GXYLT2: variants seen among roughly 807,000 people sequenced by gnomAD.
GXYLT2 encodes the protein glycosyltransferase 8 domain containing 4.
A neutral mutation model predicts 45.8 loss-of-function variants in GXYLT2; 53 were observed. The ratio of observed to expected loss-of-function variants is 1.16; its 90% CI spans 0.93 to 1.46. GXYLT2 has a LOEUF of 1.46. Ranked by LOEUF, GXYLT2 falls within the 40% of genes most tolerant of loss-of-function variation. The pLI is 0.00. For missense variants in GXYLT2, 551 were observed against 544.4 expected, an observed-to-expected ratio of 1.01 and a Z score of -0.12; for synonymous variants, 219 against 214.2, an observed-to-expected ratio of 1.02 and a Z score of -0.19.
intron 3 of GXYLT2, among the ~76,000 whole-genome samples, chr3:72,946,954 G>C (rs1270488825): frequency 6.6e-6 from 1 of 152,048 alleles, no homozygotes; most frequent in African/African-American, 2.4e-5. Flanking sequence ...CTCCGAAGTA[G>C]CTAGGACTAC....
At chr3:72,909,319 C>T (rs1467820320) in intron 2 of GXYLT2, among the ~76,000 whole-genome samples, 1 of 151,850 alleles carries the variant, frequency 6.6e-6, no homozygotes, top group African/African-American at 2.4e-5. Context: ...ATCCACCTGC[C>T]TGTCCCTCCC....
At chr3:72,916,961 A>G (rs1360817039) in intron 2 of GXYLT2, among the ~76,000 whole-genome samples, 2 of 152,100 alleles carry the variant, frequency 1.3e-5, no homozygotes, top group African/African-American at 4.8e-5. Context: ...AATATTTTTT[A>G]TAACTTGAAA....
intron 3 of GXYLT2, among the ~76,000 whole-genome samples, chr3:72,925,160 C>CTTT (rs1364669755): frequency 7.0e-6 from 1 of 142,800 alleles, no homozygotes; most frequent in Non-Finnish European, 1.5e-5. Context: ...CTTTTTCTTT[C>CTTT]TTTTTTTTTT....
At chr3:72,910,403 G>A (rs955065700) in intron 2 of GXYLT2, among the ~76,000 whole-genome samples, 11 of 152,134 alleles carry the variant, frequency 7.2e-5, no homozygotes, top group African/African-American at 2.7e-4. Flanking sequence ...CCTCCACTAT[G>A]TACTTGCTAT....
chr3:72,893,248 T>C (rs1709217008), intron 1 of GXYLT2, among the ~76,000 whole-genome samples: 1 of 152,210 alleles, frequency 6.6e-6, no homozygotes, highest in African/African-American at 2.4e-5. Context: ...CCTCCTCTCC[T>C]ACCACTCTCC....
intron 3 of GXYLT2, among the ~76,000 whole-genome samples, chr3:72,931,510 TGAGCCACC>T (rs1710035348): frequency 1.3e-5 from 2 of 152,120 alleles, no homozygotes; most frequent in Admixed American, 1.3e-4. Context: ...ATTACAGGCG[TGAGCCACC>T]GCGCCCGGCC....
chr3:72,944,310 A>G (rs889559258), intron 3 of GXYLT2, among the ~76,000 whole-genome samples: 1 of 148,468 alleles, frequency 6.7e-6, no homozygotes, highest in Non-Finnish European at 1.5e-5. Flanking sequence ...GCTGGAGTGC[A>G]GTGACACAAT....
intron 6 of GXYLT2, among the ~76,000 whole-genome samples, chr3:72,974,639 G>T (rs1389072743): frequency 6.6e-6 from 1 of 151,984 alleles, no homozygotes; most frequent in Non-Finnish European, 1.5e-5. Context: ...AATGAGATGG[G>T]GTCTTGCCAT....
At chr3:72,906,908 C>T (rs1033438258) in intron 1 of GXYLT2, among the ~76,000 whole-genome samples, 1 of 152,202 alleles carries the variant, frequency 6.6e-6, no homozygotes. Context: ...TTGGGGACAG[C>T]GGGGAGCCCT....
At chr3:72,963,507 G>GT (rs71126809) in intron 5 of GXYLT2, among the ~76,000 whole-genome samples, 27,301 of 143,590 alleles carry the variant, frequency 0.19, 4,311 homozygotes, top group East Asian at 0.41. Flanking sequence ...GGAGTTTTTT[G>GT]TTTTTTTTTT....
intron 2 of GXYLT2, among the ~76,000 whole-genome samples, chr3:72,911,957 GTGTGTGTGTGTGTGTGTGCA>G (rs1398019844): frequency 2.2e-5 from 3 of 138,914 alleles, no homozygotes; most frequent in Non-Finnish European, 4.6e-5. Flanking sequence ...TATAAGTTGG[GTGTGTGTGTGTGTGTGTGCA>G]TGTGTGTGTG....
intron 3 of GXYLT2, among the ~76,000 whole-genome samples, chr3:72,947,120 C>T (rs1436174584): frequency 3.9e-5 from 6 of 152,092 alleles, no homozygotes; most frequent in African/African-American, 9.7e-5. Context: ...CCAAAGTGCC[C>T]GATGAGCTAC....
chr3:72,913,036 T>TG, intron 2 of GXYLT2, among the ~76,000 whole-genome samples: 1 of 132,528 alleles, frequency 7.5e-6, no homozygotes, highest in African/African-American at 3.4e-5. Context: ...TTTTTTTTTG[T>TG]TTTTTTTTTT....
At chr3:72,941,473 C>T (rs1710297348) in intron 3 of GXYLT2, among the ~76,000 whole-genome samples, 1 of 152,180 alleles carries the variant, frequency 6.6e-6, no homozygotes, top group Non-Finnish European at 1.5e-5. Flanking sequence ...CACTCTTTCC[C>T]AGATGCTGTG....
intron 3 of GXYLT2, among the ~76,000 whole-genome samples, chr3:72,930,592 C>CTTT (rs71126806): frequency 0.013 from 1,287 of 101,590 alleles, 57 homozygotes; most frequent in African/African-American, 0.016. Flanking sequence ...TCTTCTTCTT[C>CTTT]TTTTTTTTTT....
At chr3:72,923,462 A>G (rs966801026) in intron 3 of GXYLT2, among the ~76,000 whole-genome samples, 3 of 152,088 alleles carry the variant, frequency 2.0e-5, no homozygotes, top group Non-Finnish European at 2.9e-5. Flanking sequence ...ATAATAATAA[A>G]AATATTCAAT....
intron 2 of GXYLT2, among the ~76,000 whole-genome samples, chr3:72,915,104 T>C (rs1192366591): frequency 5.3e-5 from 8 of 151,940 alleles, no homozygotes; most frequent in Admixed American, 5.2e-4. Flanking sequence ...TGAGCCAAGA[T>C]GGCACCACTG....
chr3:72,935,592 A>T (rs1280638847), intron 3 of GXYLT2, among the ~76,000 whole-genome samples: 1 of 152,216 alleles, frequency 6.6e-6, no homozygotes, highest in Non-Finnish European at 1.5e-5. Flanking sequence ...GAAATAGAAG[A>T]TAATATTAGC....
intron 2 of GXYLT2, among the ~76,000 whole-genome samples, chr3:72,913,510 C>T (rs927826991): frequency 1.3e-5 from 2 of 151,884 alleles, no homozygotes; most frequent in South Asian, 2.1e-4. Context: ...GTCTGGCCAA[C>T]GTGTCAAAAC....
Sources: allele counts gnomAD v4.1 joint callset (sites outside exome capture counted in the v4.1 genomes callset), GRCh38; gene constraint gnomAD v4.1.1; transcripts MANE v1.5; gene names NCBI Gene and HGNC (gene_info 2026-07-23, HGNC 2026-07-21).